Variants in MARCHF6 observed in about 807,000 individuals in gnomAD.
MARCHF6 encodes membrane associated ring-CH-type finger 6.
In MARCHF6, 31 loss-of-function variants were observed where a neutral mutation model predicts 133.7. The ratio of observed to expected loss-of-function variants is 0.23; its 90% CI spans 0.17 to 0.31. The LOEUF (loss-of-function observed/expected upper bound fraction) is 0.31. Ranked by LOEUF, MARCHF6 falls within the 10% of genes least tolerant of loss-of-function variation. The probability of loss-of-function intolerance (pLI) is 1.00; values close to 1 mark genes in which losing one functional copy is unlikely to be tolerated. For missense variants in MARCHF6, 723 were observed against 1,121.6 expected, an observed-to-expected ratio of 0.64 and a Z score of 5.08; for synonymous variants, 395 against 402.5, an observed-to-expected ratio of 0.98 and a Z score of 0.22.
At chr5:10,372,331 TGTG>T (rs1333034774) in intron 1 of MARCHF6, among the ~76,000 whole-genome samples, 2 of 152,204 alleles carry the variant, frequency 1.3e-5, no homozygotes, top group Non-Finnish European at 1.5e-5. Context: ...CTTTATGAAA[TGTG>T]GTCATTTCAG....
chr5:10,357,353 GT>G (rs56199979), intron 1 of MARCHF6, among the ~76,000 whole-genome samples: 4,855 of 146,992 alleles, frequency 0.033, 245 homozygotes, highest in African/African-American at 0.11. Context: ...TAAAGCTGAG[GT>G]TTTTTTTTTT....
chr5:10,432,949 C>T lies in MARCHF6; in HGVS notation c.2643-645C>T, dbSNP rs1477070970. Among the ~76,000 whole-genome samples, 3 of 145,394 alleles carry T rather than the reference C, an allele frequency of 2.1e-5. No homozygotes were observed. In the Admixed American group the frequency reaches 2.1e-4, roughly 10 times the overall value. ...ACGGAGTCACACTCTGTCACCCAGA[C>T]TGGAGTGCAGTGGCACAATTTCAGT... On this transcript the variant is annotated intron_variant, in intron 25 of 25. Coordinates refer to ENST00000274140, the MANE Select transcript of MARCHF6 (RefSeq NM_005885.4).
At chr5:10,408,602 G>A (rs1739044024) in intron 17 of MARCHF6, among the ~76,000 whole-genome samples, 1 of 152,196 alleles carries the variant, frequency 6.6e-6, no homozygotes, top group Admixed American at 6.5e-5. Context: ...GCAGTGGTAT[G>A]ATCATGGCTC....
chr5:10,378,802 T>C lies in MARCHF6; in HGVS notation c.160T>C (p.Leu54=). The C allele has an allele frequency of 3.1e-6, 5 of 1,610,448 alleles. No homozygotes were observed. The highest frequency in any genetic ancestry group is 2.2e-5 in the East Asian group (1 of 44,766). ...LKHSRKEYCE[L]CKHRFAFTPI... ...ACACAGTCGAAAAGAATACTGTGAA[T>C]TATGCAAGCACAGATTTGCTTTTAC... The change falls in exon 3 of 26, where the codon TTA becomes CTA. Residue 54 remains leucine (L), a synonymous_variant. Coordinates refer to ENST00000274140, the MANE Select transcript of MARCHF6 (RefSeq NM_005885.4).
chr5:10,356,906 ATTGT>A (rs1735508851), intron 1 of MARCHF6, among the ~76,000 whole-genome samples: 1 of 152,264 alleles, frequency 6.6e-6, no homozygotes, highest in East Asian at 1.9e-4. Flanking sequence ...TTTCATACTA[ATTGT>A]TTGCTAGATT....
chr5:10,379,865 C>G lies in MARCHF6; in HGVS notation c.190+1033C>G, dbSNP rs577021555. Reference sequence around the variant, plus strand: ...AAGCAATTCTCCTGTCACAGCTTCCCAAAGTGTTGGGATTACAGGCTTGAG... The same window carrying G: ...AAGCAATTCTCCTGTCACAGCTTCCGAAAGTGTTGGGATTACAGGCTTGAG... On this transcript the variant is annotated intron_variant, in intron 3 of 25. Transcript: ENST00000274140. 7.2e-5 allele frequency among the ~76,000 whole-genome samples: 11 copies of G among 152,234 alleles called. No homozygotes were observed. The South Asian group carries it at 1.4e-3, about 20-fold the overall frequency.
intron 5 of MARCHF6, 40 bp downstream of exon 5, chr5:10,387,106 G>C: frequency 2.1e-6 from 3 of 1,402,594 alleles, no homozygotes; most frequent in Non-Finnish European, 3.0e-6. Context: ...GCATGATGTA[G>C]ATGATGCTTG....
chr5:10,421,319 A>G (rs756799728), intron 22 of MARCHF6, among the ~76,000 whole-genome samples: 3 of 152,222 alleles, frequency 2.0e-5, no homozygotes, highest in Non-Finnish European at 4.4e-5. Flanking sequence ...TGGAATATCA[A>G]TGCAGCAATT....
At chr5:10,383,779 T>G (rs1737300613) in intron 4 of MARCHF6, among the ~76,000 whole-genome samples, 1 of 152,214 alleles carries the variant, frequency 6.6e-6, no homozygotes, top group African/African-American at 2.4e-5. Flanking sequence ...CAATTGTTAA[T>G]CTGCAATAAT....
intron 1 of MARCHF6, among the ~76,000 whole-genome samples, chr5:10,371,364 G>A (rs1459423335): frequency 6.6e-6 from 1 of 152,176 alleles, no homozygotes; most frequent in Non-Finnish European, 1.5e-5. Flanking sequence ...TCATGCTGCT[G>A]ATAAAGACAT....
chr5:10,410,309 A>C (rs762496332), intron 18 of MARCHF6, 33 bp downstream of exon 18: 72 of 1,602,852 alleles, frequency 4.5e-5, no homozygotes, highest in Non-Finnish European at 6.0e-5. Context: ...TTGGACATGC[A>C]TGTCATTTGT....
chr5:10,417,717 C>CAA lies in MARCHF6; in HGVS notation c.2283+333_2283+334dup, dbSNP rs748194332. 2.4e-3 allele frequency among the ~76,000 whole-genome samples: 125 copies of CAA among 52,312 alleles called. 2 individuals are homozygous for CAA. Among genetic ancestry groups the CAA allele is most frequent in the East Asian group, 3.5e-3 (6 of 1,720 alleles). 34.3% of individuals were successfully genotyped at this position (52,312 alleles called of 152,430 possible). A position where few individuals can be genotyped will look rare whatever the true frequency, so the allele number is the denominator to read the frequency against. ...GGGCAACAGAGTAAGAGCCTCTGTC[C>CAA]AAAAAAAAAAAAAAAAAAAAAGACA... is the stretch of plus-strand genomic sequence containing the variant. On this transcript the variant is annotated intron_variant, in intron 22 of 25. Coordinates refer to ENST00000274140, the MANE Select transcript of MARCHF6 (RefSeq NM_005885.4).
chr5:10,405,754 C>T, intron 16 of MARCHF6, 77 bp downstream of exon 16: 1 of 1,365,622 alleles, frequency 7.3e-7, no homozygotes, highest in Non-Finnish European at 9.8e-7. Flanking sequence ...TTTTTTTTTC[C>T]AGTTCTCAAG....
In MARCHF6 at chr5:10,426,521, A is replaced by G; in HGVS notation, c.2505A>G (p.Leu835=). The G allele has an allele frequency of 6.2e-7, 1 of 1,613,858 alleles. No individual in the cohort carries two copies. Among genetic ancestry groups the G allele is most frequent in the Non-Finnish European group, 8.5e-7 (1 of 1,179,934 alleles). The change falls in exon 24 of 26, where the codon CTA becomes CTG. Residue 835 remains leucine, a splice_region_variant and synonymous_variant. Transcript: ENST00000274140. The stretch of plus-strand genomic sequence containing the variant: ...TAGCTTCTGGTGTTGTTCCTTTACT[A>G]GGTACGTAATGCTGGTTGTGGAGCC... ...YVIASGVVPL[L]GVTAEMQNLV... is the part of the protein sequence containing the mutation.
chr5:10,431,516 A>G (rs1200186356), intron 25 of MARCHF6, among the ~76,000 whole-genome samples: 1 of 151,894 alleles, frequency 6.6e-6, no homozygotes, highest in Non-Finnish European at 1.5e-5. Flanking sequence ...CTGTTCCTTT[A>G]TGCAGAAAGG....
chr5:10,409,547 G>T (rs1043028080), intron 17 of MARCHF6, among the ~76,000 whole-genome samples: 4 of 152,210 alleles, frequency 2.6e-5, no homozygotes, highest in African/African-American at 9.6e-5. Flanking sequence ...ACCTCCTAGA[G>T]AGTCTTACAC....
intron 23 of MARCHF6, among the ~76,000 whole-genome samples, chr5:10,425,075 G>A (rs1380073843): frequency 6.6e-6 from 1 of 152,218 alleles, no homozygotes; most frequent in Admixed American, 6.5e-5. Flanking sequence ...CAGTTCTGCA[G>A]CAGTAAAGTA....
chr5:10,425,001 A>T (rs1740008680), intron 23 of MARCHF6, among the ~76,000 whole-genome samples: 1 of 152,230 alleles, frequency 6.6e-6, no homozygotes, highest in Admixed American at 6.5e-5. Flanking sequence ...CTTTAGCTAT[A>T]TGGCAAATGT....
chr5:10,378,658 C>A, intron 2 of MARCHF6, 101 bp from the exon 3 acceptor site: 2 of 729,506 alleles, frequency 2.7e-6, no homozygotes. Flanking sequence ...AAACTAAAAG[C>A]TCTGTGATAT....
Sources: gnomAD v4.1 joint callset for allele counts (sites outside exome capture counted in the v4.1 genomes callset) on GRCh38, gnomAD v4.1.1 for gene constraint, MANE v1.5 for transcripts, NCBI Gene and HGNC (gene_info 2026-07-23, HGNC 2026-07-21) for gene names.